The following PCDHA8 variants were observed in gnomAD, a reference collection of about 807,000 sequenced individuals.
PCDHA8 encodes protocadherin alpha-8.
PCDHA8 carries 53 observed loss-of-function variants against 61.8 expected under a neutral mutation model. The ratio of observed to expected loss-of-function variants is 0.86; its 90% CI spans 0.69 to 1.08. The LOEUF (loss-of-function observed/expected upper bound fraction) is 1.08. Ranked by LOEUF, PCDHA8 falls within the 50% of genes least tolerant of loss-of-function variation. PCDHA8 has a pLI of 0.00. For synonymous variants in PCDHA8, 618 were observed against 556.6 expected (o/e 1.11, Z -1.55); for missense variants, 1,293 against 1,245.0 (o/e 1.04, Z -0.58).
intron 1 of PCDHA8, chr5:140,877,773 G>A (rs1554170103): frequency 2.5e-6 from 4 of 1,614,166 alleles, no homozygotes; most frequent in South Asian, 2.2e-5. Flanking sequence ...CGCCCAAGAC[G>A]GACCTCATGG....
At chr5:140,910,780 C>T (rs2075160544) in intron 1 of PCDHA8, among the ~76,000 whole-genome samples, 1 of 152,192 alleles carries the variant, frequency 6.6e-6, no homozygotes, top group South Asian at 2.1e-4. Flanking sequence ...CAAGCTGCAA[C>T]ATTAAATGCA....
chr5:140,884,116 C>T (rs1554181240), intron 1 of PCDHA8: 2 of 1,613,304 alleles, frequency 1.2e-6, no homozygotes, highest in South Asian at 2.2e-5. Context: ...TGGCGGCGGT[C>T]GGCGCGCGCA....
At chr5:140,861,327 T>C (rs1363614329) in intron 1 of PCDHA8, 2 of 243,212 alleles carry the variant, frequency 8.2e-6, no homozygotes, top group Middle Eastern at 1.5e-3. Flanking sequence ...CACTACACCA[T>C]CCTGGAAGAG....
chr5:140,847,295 C>G (rs1780942719), intron 1 of PCDHA8, among the ~76,000 whole-genome samples: 1 of 149,718 alleles, frequency 6.7e-6, no homozygotes, highest in Non-Finnish European at 1.5e-5. Flanking sequence ...AACTCAGAAG[C>G]TCCTGCAGTA....
chr5:140,883,213 A>G, intron 1 of PCDHA8: 1 of 1,614,090 alleles, frequency 6.2e-7, no homozygotes, highest in South Asian at 1.1e-5. Flanking sequence ...AAAAGAAATT[A>G]TATGAAATAT....
At chr5:140,845,675 A>G (rs2150380480) in intron 1 of PCDHA8, among the ~76,000 whole-genome samples, 6 of 149,762 alleles carry the variant, frequency 4.0e-5, no homozygotes, top group African/African-American at 7.3e-5. Context: ...AGCCATTGGT[A>G]AAGGATTTGT....
Position 140,843,194 on chromosome 5 carries a change from G to T in PCDHA8, c.1873G>T (p.Gly625Trp). 1 of 1,596,036 alleles carries T rather than the reference G, an allele frequency of 6.3e-7. No homozygotes were observed. The highest frequency in any genetic ancestry group is 2.2e-5 in the East Asian group (1 of 44,816). Residue 625 changes from glycine (G) to tryptophan (W), a missense_variant, in exon 1 of 4, where the codon GGG becomes TGG. Coordinates refer to ENST00000531613, the MANE Select transcript of PCDHA8 (RefSeq NM_018911.3). ...CAGCCCTCGCATCCCGTTCCGCGTG[G>T]GGCTGTACACGGGCGAGATCAGCAC... The part of the protein sequence containing the change: ...ASSPRIPFRV[G>W]LYTGEISTTR...
At position 140,941,246 on chromosome 5, in the gene PCDHA8, T is replaced by TCCTTC. The variant is rs1465255424; in HGVS notation, c.2395-37702_2395-37701insCTTCC. Among the ~76,000 whole-genome samples, 4 of 141,078 alleles carry TCCTTC rather than the reference T, an allele frequency of 2.8e-5. No individual in the cohort carries two copies. In the East Asian group the frequency reaches 8.2e-4, roughly 29 times the overall value. 92.6% of individuals were successfully genotyped at this position (141,078 alleles called of 152,430 possible). On this transcript the variant is annotated intron_variant, in intron 1 of 3. Coordinates refer to ENST00000531613, the MANE Select transcript of PCDHA8 (RefSeq NM_018911.3). Reference sequence around the variant, plus strand: ...TTCTTTCTTTCTTTCTTTCTTTCTTTCTTTCTTTCTCTTTCTTTCTTTCTT... The same window carrying TCCTTC: ...TTCTTTCTTTCTTTCTTTCTTTCTTTCCTTCCTTTCTTTCTCTTTCTTTCTTTCTT...
chr5:140,874,360 A>T (rs2054861600), intron 1 of PCDHA8, among the ~76,000 whole-genome samples: 2 of 152,234 alleles, frequency 1.3e-5, no homozygotes. Context: ...TGAATTAATG[A>T]ATAAACTCAT....
intron 1 of PCDHA8, chr5:140,856,419 A>G: frequency 6.3e-7 from 1 of 1,598,426 alleles, no homozygotes; most frequent in Non-Finnish European, 8.6e-7. Context: ...GAAGTGAAGG[A>G]CATTAACGAC....
intron 1 of PCDHA8, among the ~76,000 whole-genome samples, chr5:140,958,528 G>T (rs961967514): frequency 4.6e-5 from 7 of 152,112 alleles, no homozygotes; most frequent in Non-Finnish European, 8.8e-5. Flanking sequence ...TATACTATGT[G>T]TACATTGATT....
intron 1 of PCDHA8, chr5:140,927,103 C>T: frequency 6.2e-7 from 1 of 1,613,768 alleles, no homozygotes; most frequent in Non-Finnish European, 8.5e-7. Flanking sequence ...GGTGGATCTA[C>T]CCAGCGGCAA....
At chr5:140,931,323 T>A (rs912582961) in intron 1 of PCDHA8, among the ~76,000 whole-genome samples, 1 of 152,110 alleles carries the variant, frequency 6.6e-6, no homozygotes, top group Non-Finnish European at 1.5e-5. Context: ...CAGTAATGGC[T>A]GTAAAGTTTG....
chr5:140,875,143 G>A (rs2055292608), intron 1 of PCDHA8, among the ~76,000 whole-genome samples: 1 of 152,174 alleles, frequency 6.6e-6, no homozygotes, highest in Non-Finnish European at 1.5e-5. Context: ...ATTTATAAAT[G>A]ATCCGTGAAA....
intron 1 of PCDHA8, among the ~76,000 whole-genome samples, chr5:140,921,435 A>G (rs997660613): frequency 6.6e-6 from 1 of 152,120 alleles, no homozygotes. Context: ...ATTTTCTTCA[A>G]TGGTGTCTGA....
At position 140,968,456 on chromosome 5, in the gene PCDHA8, A is replaced by G. The variant is rs782476018; in HGVS notation, c.2395-10493A>G. ...GAGCCCACCACTGAGCAGCACTGTG[A>G]CTGCCAACGTATATGTGGTGGACAT... On this transcript the variant is annotated intron_variant, in intron 1 of 3. Transcript: ENST00000531613. 82 of 1,613,964 alleles carry G rather than the reference A, an allele frequency of 5.1e-5. No individual in the cohort carries two copies. Among genetic ancestry groups the G allele is most frequent in the Non-Finnish European group, 6.2e-5 (73 of 1,180,022 alleles).
chr5:140,850,946 T>A (rs2150503431), intron 1 of PCDHA8: 1 of 1,504,084 alleles, frequency 6.6e-7, no homozygotes, highest in East Asian at 2.3e-5. Flanking sequence ...AAAGATATTA[T>A]CGATTACTCC....
intron 1 of PCDHA8, chr5:140,863,718 G>A (rs2048134284): frequency 3.6e-6 from 1 of 274,680 alleles, no homozygotes; most frequent in South Asian, 3.9e-5. Flanking sequence ...ACTGGGGCCG[G>A]GTGCGGTAGC....
At chr5:140,975,363 G>T (rs1348174294) in intron 1 of PCDHA8, among the ~76,000 whole-genome samples, 3 of 152,220 alleles carry the variant, frequency 2.0e-5, no homozygotes, top group Non-Finnish European at 2.9e-5. Context: ...GTGCTACATA[G>T]CATAATGTAA....
Sources: allele counts gnomAD v4.1 joint callset (sites outside exome capture counted in the v4.1 genomes callset), GRCh38; gene constraint gnomAD v4.1.1; transcripts MANE v1.5; gene names NCBI Gene and HGNC (gene_info 2026-07-23, HGNC 2026-07-21).